FAM227A: variants seen among roughly 807,000 people sequenced by gnomAD.
FAM227A encodes family with sequence similarity 227 member A, also known as protein FAM227A.
A neutral mutation model predicts 74.7 loss-of-function variants in FAM227A; 80 were observed. The observed-to-expected ratio is 1.07, with a 90% CI of 0.89 to 1.29. The LOEUF is 1.29. Among genes scored for constraint, FAM227A ranks in the 50% most tolerant of loss-of-function variants. The pLI is 0.00. For missense variants in FAM227A, 654 were observed against 683.4 expected, an observed-to-expected ratio of 0.96 and a Z score of 0.48; for synonymous variants, 237 against 241.8, an observed-to-expected ratio of 0.98 and a Z score of 0.19.
At chr22:38,619,633 G>A (rs2077901926) in intron 11 of FAM227A, among the ~76,000 whole-genome samples, 1 of 152,090 alleles carries the variant, frequency 6.6e-6, no homozygotes, top group African/African-American at 2.4e-5. Flanking sequence ...CTGGAAGTAG[G>A]GTTTTTAGGG....
intron 8 of FAM227A, among the ~76,000 whole-genome samples, 174 bp downstream of exon 8, chr22:38,628,064 C>G (rs1440902128): frequency 6.6e-6 from 1 of 152,084 alleles, no homozygotes; most frequent in African/African-American, 2.4e-5. Context: ...ATCTCCCGAT[C>G]AGTATAAATA....
At chr22:38,648,597 ACT>A (rs1397833162) in intron 2 of FAM227A, among the ~76,000 whole-genome samples, 4 of 145,142 alleles carry the variant, frequency 2.8e-5, no homozygotes, top group Admixed American at 1.4e-4. Context: ...ACAGAGTGAG[ACT>A]CTGTCTCAGA....
intron 12 of FAM227A, among the ~76,000 whole-genome samples, chr22:38,606,422 G>A (rs747936408): frequency 2.4e-4 from 36 of 152,150 alleles, no homozygotes; most frequent in Non-Finnish European, 4.4e-4. Context: ...TACTGCCTCA[G>A]CCTCCCAAAG....
chr22:38,591,953 C>CTT (rs112701206), intron 15 of FAM227A, among the ~76,000 whole-genome samples: 10 of 143,460 alleles, frequency 7.0e-5, no homozygotes, highest in African/African-American at 1.8e-4. Context: ...ATCTTTTTTT[C>CTT]TTTTTTTTTT....
In FAM227A at chr22:38,638,780, T is replaced by C; in HGVS notation, c.338A>G (p.Glu113Gly). ...AACAGAAGATCTGGCATGTCTGAGT[T>C]CGGAGCCTTTGCAGGAATACTGAGA... Reference protein sequence around the residue: ...RKSQYSCKGSELRHARSSVIK... With the variant: ...RKSQYSCKGSGLRHARSSVIK... The change falls in exon 5 of 17, where the codon GAA (glutamate) becomes GGA (glycine). Residue 113 changes from glutamate to glycine, a missense_variant. Glu to Gly is a moderately conservative substitution (Grantham distance 98). Transcript: ENST00000535113. The C allele has an allele frequency of 1.3e-6, 2 of 1,544,066 alleles. No homozygotes were observed. Among genetic ancestry groups the C allele is most frequent in the Non-Finnish European group, 1.7e-6 (2 of 1,145,138 alleles).
At chr22:38,596,409 T>A (rs868610281) in intron 15 of FAM227A, among the ~76,000 whole-genome samples, 1 of 152,162 alleles carries the variant, frequency 6.6e-6, no homozygotes, top group African/African-American at 2.4e-5. Context: ...TTAGGCACAG[T>A]GGCTCGTGTC....
intron 8 of FAM227A, among the ~76,000 whole-genome samples, chr22:38,626,731 G>C (rs2091808938): frequency 6.7e-6 from 1 of 150,220 alleles, no homozygotes; most frequent in Non-Finnish European, 1.5e-5. Flanking sequence ...AAAAATAGCT[G>C]GGTGTGGTGG....
At chr22:38,636,663 C>A (rs1372837184) in intron 5 of FAM227A, 66 bp from the exon 6 acceptor site, 1 of 1,397,662 alleles carries the variant, frequency 7.2e-7, no homozygotes, top group Non-Finnish European at 9.7e-7. Flanking sequence ...AATAGGCTAG[C>A]TTCCCCTCTT....
chr22:38,598,149 G>A (rs956732022), intron 14 of FAM227A, among the ~76,000 whole-genome samples: 2 of 151,886 alleles, frequency 1.3e-5, no homozygotes, highest in Non-Finnish European at 2.9e-5. Context: ...TGGGACCTCA[G>A]ACAAGATAGC....
At chr22:38,631,413 T>C (rs937329303) in intron 6 of FAM227A, among the ~76,000 whole-genome samples, 4 of 151,960 alleles carry the variant, frequency 2.6e-5, no homozygotes, top group South Asian at 4.2e-4. Flanking sequence ...AGGACGAGGG[T>C]TGAAAAATAA....
At chr22:38,605,986 T>C (rs2146251484) in intron 12 of FAM227A, among the ~76,000 whole-genome samples, 1 of 152,338 alleles carries the variant, frequency 6.6e-6, no homozygotes. Context: ...TATTCCGTAT[T>C]TGTCTATTTG....
At chr22:38,629,145 G>T in intron 6 of FAM227A, 2 of 477,386 alleles carry the variant, frequency 4.2e-6, no homozygotes, top group Non-Finnish European at 3.6e-6. Flanking sequence ...GGACCAAAGT[G>T]GCAAGTGGCT....
At chr22:38,646,941 G>C (rs1274244401) in intron 2 of FAM227A, among the ~76,000 whole-genome samples, 2 of 150,120 alleles carry the variant, frequency 1.3e-5, no homozygotes, top group East Asian at 4.0e-4. Context: ...ACGATGTTAG[G>C]AGTTTGAGAC....
chr22:38,582,612 C>T lies in FAM227A; in HGVS notation c.*3513G>A. 2 of 730,138 alleles carry T rather than the reference C, an allele frequency of 2.7e-6. No individual in the cohort carries two copies. The allele number at this position is 730,138 out of a possible 1,614,324, so 45.2% of individuals were successfully genotyped here. Reference sequence around the variant, plus strand: ...TTTAACATCCTGAGAGGCTACAACTCTGAGTCCTCAGTCATTTCTGGAAAG... The same window carrying T: ...TTTAACATCCTGAGAGGCTACAACTTTGAGTCCTCAGTCATTTCTGGAAAG... On this transcript the variant is annotated 3_prime_UTR_variant, in exon 17 of 17. Coordinates refer to ENST00000535113, the MANE Select transcript of FAM227A (RefSeq NM_001013647.2).
At chr22:38,631,395 G>A (rs2091913138) in intron 6 of FAM227A, among the ~76,000 whole-genome samples, 1 of 152,072 alleles carries the variant, frequency 6.6e-6, no homozygotes, top group Admixed American at 6.6e-5. Context: ...AAAAGGGGGA[G>A]GATGATGAGG....
rs1270531399 is a variant in FAM227A, at chr22:38,585,842, CT to C, written c.*282del. ...CATACGGCTGGTATGAAAGTTTTACCTTTGTATGAGGTCATATTTGTAACAT... is the reference window on the plus strand; with the variant it reads ...CATACGGCTGGTATGAAAGTTTTACCTTGTATGAGGTCATATTTGTAACAT... On this transcript the variant is annotated 3_prime_UTR_variant, in exon 17 of 17. Coordinates refer to ENST00000535113, the MANE Select transcript of FAM227A (RefSeq NM_001013647.2). 1.6e-6 allele frequency: 1 copy of C among 620,398 alleles called. No homozygotes were observed. The highest frequency in any genetic ancestry group is 3.2e-5 in the Admixed American group (1 of 31,692). 38.4% of individuals were successfully genotyped at this position (620,398 alleles called of 1,614,324 possible). A position where few individuals can be genotyped will look rare whatever the true frequency, so the allele number is the denominator to read the frequency against.
chr22:38,615,188 A>C (rs1007940049), intron 11 of FAM227A, among the ~76,000 whole-genome samples: 5 of 151,980 alleles, frequency 3.3e-5, no homozygotes, highest in Non-Finnish European at 7.4e-5. Context: ...ACGCCCAACT[A>C]ATTTATGTAT....
chr22:38,617,830 AT>A (rs2091611309), intron 11 of FAM227A, among the ~76,000 whole-genome samples: 1 of 152,084 alleles, frequency 6.6e-6, no homozygotes, highest in Non-Finnish European at 1.5e-5. Flanking sequence ...AGACTTCTCT[AT>A]TAAAAATTCA....
chr22:38,584,818 CAG>C lies in FAM227A; in HGVS notation c.*1305_*1306del, dbSNP rs2090772267. 6.6e-6 allele frequency: 1 copy of C among 151,882 alleles called. No homozygotes were observed. Among genetic ancestry groups the C allele is most frequent in the South Asian group, 2.1e-4 (1 of 4,816 alleles). 9.4% of individuals were successfully genotyped at this position (151,882 alleles called of 1,614,324 possible). On this transcript the variant is annotated 3_prime_UTR_variant, in exon 17 of 17. Transcript: ENST00000535113. ...AATTAAAAAAAATTTTTTTTTGAGACAGAGTTTCGCTCTTGTTGCCCAGGCTG... is the reference window on the plus strand; with the variant it reads ...AATTAAAAAAAATTTTTTTTTGAGACAGTTTCGCTCTTGTTGCCCAGGCTG...
Sources: allele counts gnomAD v4.1 joint callset (sites outside exome capture counted in the v4.1 genomes callset), GRCh38; gene constraint gnomAD v4.1.1; transcripts MANE v1.5; gene names NCBI Gene and HGNC (gene_info 2026-07-23, HGNC 2026-07-21).